The following DHRS1 variants were observed in gnomAD, a reference collection of about 807,000 sequenced individuals.
DHRS1 encodes dehydrogenase/reductase SDR family member 1.
A neutral mutation model predicts 35.2 loss-of-function variants in DHRS1; 34 were observed. The observed-to-expected ratio is 0.97, with a 90% confidence interval of 0.74 to 1.29. The LOEUF (loss-of-function observed/expected upper bound fraction) is 1.29, where lower values mean the gene tolerates loss of function less well. DHRS1 is among the 50% of genes most tolerant of loss of function. DHRS1 has a pLI of 0.00. For synonymous variants in DHRS1, 133 were observed against 160.0 expected, an observed-to-expected ratio of 0.83 and a Z score of 1.27; for missense variants, 354 against 403.6, an observed-to-expected ratio of 0.88 and a Z score of 1.05.
In DHRS1 at chr14:24,299,198, G is replaced by A. The variant is rs1385427039; in HGVS notation, c.-24-68C>T. 5.6e-6 allele frequency: 8 copies of A among 1,432,152 alleles called. No individual in the cohort carries two copies. In the Admixed American group the frequency reaches 1.4e-4, roughly 25 times the overall value. The allele number at this position is 1,432,152 out of a possible 1,614,324, so 88.7% of individuals were successfully genotyped here. A position where few individuals can be genotyped will look rare whatever the true frequency, so the allele number is the denominator to read the frequency against. ...TGTGTGTGTTGGGGCGAGGTTGGGG[G>A]GTAGGGGAGAACCTCACTAGGGCTA... On this transcript the variant is annotated intron_variant, in intron 1 of 8. Transcript: ENST00000288111.
intron 4 of DHRS1, among the ~76,000 whole-genome samples, chr14:24,296,123 C>T (rs75133115): frequency 0.013 from 1,975 of 152,278 alleles, 28 homozygotes; most frequent in Non-Finnish European, 0.022. Context: ...CATTGGTGTT[C>T]GCTCCTTCTT....
chr14:24,298,968 C>T lies in DHRS1; in HGVS notation c.139G>A (p.Val47Ile), dbSNP rs2041314493. Reference sequence around the variant, plus strand: ...GAGGAAGCACTCACCTCCTGAGCAACAACGCGAAGGGTGTCCAGATGGCGG... The same window carrying T: ...GAGGAAGCACTCACCTCCTGAGCAATAACGCGAAGGGTGTCCAGATGGCGG... ...TGRHLDTLRV[V>I]AQEAQSLGGQ... Residue 47 changes from valine to isoleucine, a missense_variant, in exon 2 of 9, where the codon GTT (valine) becomes ATT (isoleucine). By Grantham distance (29) the Val-to-Ile change is conservative. Coordinates refer to ENST00000288111, the MANE Select transcript of DHRS1 (RefSeq NM_001136050.3). 6.2e-7 allele frequency: 1 copy of T among 1,608,986 alleles called. No homozygotes were observed. Among genetic ancestry groups the T allele is most frequent in the Non-Finnish European group, 8.5e-7 (1 of 1,175,924 alleles).
chr14:24,295,045 A>G (rs534412283), intron 4 of DHRS1, among the ~76,000 whole-genome samples: 1 of 152,026 alleles, frequency 6.6e-6, no homozygotes, highest in South Asian at 2.1e-4. Flanking sequence ...CTTTTTTTCT[A>G]TTTTTCCCAC....
chr14:24,296,772 T>C lies in DHRS1; in HGVS notation c.260A>G (p.Asp87Gly), dbSNP rs928971164. The C allele has an allele frequency of 1.9e-6, 3 of 1,614,068 alleles. No homozygotes were observed. Among genetic ancestry groups the C allele is most frequent in the Admixed American group, 1.7e-5 (1 of 60,010 alleles). The change falls in exon 3 of 9, where the codon GAT becomes GGT. Residue 87 changes from aspartate to glycine, a missense_variant. Transcript: ENST00000288111. ...TGCATAAGCATTGTTGACCAGCACA[T>C]CTAGACGCCCTTGCTGTTCCCGATC... The part of the protein sequence containing the change: ...QVDREQQGRL[D>G]VLVNNAYAGV...
chr14:24,292,315 C>T lies in DHRS1; in HGVS notation c.523G>A (p.Ala175Thr), dbSNP rs144351742. The part of the protein sequence containing the change: ...VGKAACDKLA[A>T]DCAHELRRHG... ...CGCCGCAGCTCGTGGGCACAGTCAG[C>T]AGCCAGCTTGTCACACTGTGGAGAG... Residue 175 changes from alanine to threonine, a missense_variant, in exon 6 of 9, where the codon GCT becomes ACT. Transcript: ENST00000288111. 1 of 1,614,080 alleles carries T rather than the reference C, an allele frequency of 6.2e-7. No individual in the cohort carries two copies. Among genetic ancestry groups the T allele is most frequent in the Non-Finnish European group, 8.5e-7 (1 of 1,180,028 alleles).
rs1386016208 is a variant in DHRS1 at position 24,291,156 on chromosome 14, C to G, written c.788G>C (p.Gly263Ala). Reference sequence around the variant, plus strand: ...GTCCTCACCGTCCACATCCCGAAGGCCATAGCGTCGAGCAAGGTCACAGGA... The same window carrying G: ...GTCCTCACCGTCCACATCCCGAAGGGCATAGCGTCGAGCAAGGTCACAGGA... Reference protein sequence around the residue: ...LPSCDLARRYGLRDVDGRPVQ... With the variant: ...LPSCDLARRYALRDVDGRPVQ... The change falls in exon 8 of 9, where the codon GGC (glycine) becomes GCC (alanine). Residue 263 changes from glycine (G) to alanine (A), a missense_variant. By Grantham distance (60) the Gly-to-Ala change is moderately conservative (BLOSUM62 0). Transcript: ENST00000288111. 6.2e-7 allele frequency: 1 copy of G among 1,614,172 alleles called. No homozygotes were observed. Among genetic ancestry groups the G allele is most frequent in the East Asian group, 2.2e-5 (1 of 44,878 alleles).
chr14:24,291,492 T>G, intron 7 of DHRS1, 64 bp downstream of exon 7: 2 of 1,540,908 alleles, frequency 1.3e-6, no homozygotes, highest in South Asian at 2.2e-5. Flanking sequence ...ATCTGGGCAC[T>G]GGATGCTACC....
chr14:24,297,815 A>C (rs979563403), intron 2 of DHRS1, among the ~76,000 whole-genome samples: 1 of 152,072 alleles, frequency 6.6e-6, no homozygotes, highest in East Asian at 1.9e-4. Context: ...GCTTTTCCTA[A>C]CTTCCTTTAC....
intron 4 of DHRS1, chr14:24,293,433 G>C (rs2041196328): frequency 6.6e-6 from 1 of 151,592 alleles, no homozygotes; most frequent in Non-Finnish European, 1.5e-5. Context: ...AATTAGCCAG[G>C]TGTGGTGGTA....
chr14:24,291,127 CA>C lies in DHRS1; in HGVS notation c.805+11del. 6.2e-7 allele frequency: 1 copy of C among 1,614,082 alleles called. No individual in the cohort carries two copies. On this transcript the variant is annotated intron_variant, in intron 8 of 8. Transcript: ENST00000288111. ...CAGCAGTCAAGGCTGACTGCTGTGC[CA>C]GGGTCCTCACCGTCCACATCCCGAA...
At chr14:24,292,817 C>T (rs374967928) in intron 4 of DHRS1, 33 bp from the exon 5 acceptor site, 18 of 1,603,210 alleles carry the variant, frequency 1.1e-5, no homozygotes, top group Admixed American at 1.7e-5. Context: ...AAGGAATGAA[C>T]CGTGTTAGTG....
At chr14:24,296,634 T>G (rs2041252419) in intron 3 of DHRS1, 46 bp from the exon 4 acceptor site, 1 of 1,610,694 alleles carries the variant, frequency 6.2e-7, no homozygotes. Context: ...GGTAGGGAGG[T>G]GTGAGGGGCT....
At chr14:24,293,994 GA>G (rs2041206347) in intron 4 of DHRS1, 1 of 152,188 alleles carries the variant, frequency 6.6e-6, no homozygotes. Flanking sequence ...ATCAGTGGGG[GA>G]AAGTTGGATC....
rs1296206413 is a variant in DHRS1, at chr14:24,290,667, A to C, written c.*192T>G. ...AATACTAAGGCAAAAAGTAAAAAGAAGGACAAGGAAAACCAAGGCACAAAG... is the reference window on the plus strand; with the variant it reads ...AATACTAAGGCAAAAAGTAAAAAGACGGACAAGGAAAACCAAGGCACAAAG... On this transcript the variant is annotated 3_prime_UTR_variant, in exon 9 of 9. Transcript: ENST00000288111. 6.7e-6 allele frequency: 4 copies of C among 594,294 alleles called. No individual in the cohort carries two copies. Among genetic ancestry groups the C allele is most frequent in the African/African-American group, 3.7e-5 (2 of 54,080 alleles). 36.8% of individuals were successfully genotyped at this position (594,294 alleles called of 1,614,324 possible).
chr14:24,296,846 C>T lies in DHRS1; in HGVS notation c.186G>A (p.Val62=). Residue 62 remains valine (V), a synonymous_variant, in exon 3 of 9, where the codon GTG becomes GTA. Coordinates refer to ENST00000288111, the MANE Select transcript of DHRS1 (RefSeq NM_001136050.3). ...CTTCACTCTCCTGGCTTGAATCGCACACCACAGGCACACATTGGCCCCCGA... is the reference window on the plus strand; with the variant it reads ...CTTCACTCTCCTGGCTTGAATCGCATACCACAGGCACACATTGGCCCCCGA... ...QSLGGQCVPV[V]CDSSQESEVR... The T allele has an allele frequency of 6.2e-7, 1 of 1,614,260 alleles. No individual in the cohort carries two copies. The highest frequency in any genetic ancestry group is 1.7e-5 in the Admixed American group (1 of 60,032).
At position 24,290,977 on chromosome 14, in the gene DHRS1, T is replaced by C. The variant is rs372828362; in HGVS notation, c.824A>G (p.Tyr275Cys). 7 of 1,613,844 alleles carry C rather than the reference T, an allele frequency of 4.3e-6. No individual in the cohort carries two copies. In the Admixed American group the frequency reaches 8.3e-5, roughly 19 times the overall value. The change falls in exon 9 of 9, where the codon TAT becomes TGT. Residue 275 changes from tyrosine (Y) to cysteine (C), a missense_variant. Coordinates refer to ENST00000288111, the MANE Select transcript of DHRS1 (RefSeq NM_001136050.3). ...RDVDGRPVQD[Y>C]LSLSSVLSHV... ...TGAGAGAACAGAGCTCAAAGACAAA[T>C]AGTCTTGGACGGGGCGGCCTGGGAA... is the stretch of plus-strand genomic sequence containing the variant.
rs899376092 is a variant in DHRS1, at chr14:24,290,751, A to G, written c.*108T>C. 2 of 1,427,746 alleles carry G rather than the reference A, an allele frequency of 1.4e-6. No homozygotes were observed. The highest frequency in any genetic ancestry group is 1.4e-5 in the African/African-American group (1 of 70,884). 88.4% of individuals were successfully genotyped at this position (1,427,746 alleles called of 1,614,324 possible). On this transcript the variant is annotated 3_prime_UTR_variant, in exon 9 of 9. Coordinates refer to ENST00000288111, the MANE Select transcript of DHRS1 (RefSeq NM_001136050.3). The stretch of plus-strand genomic sequence containing the variant: ...GACACACAGCAGAGGGCTTCTCTTC[A>G]TATCAAGGGTATGGGTAAACAAGAA...
intron 6 of DHRS1, 38 bp downstream of exon 6, chr14:24,292,146 C>G: frequency 2.5e-6 from 4 of 1,613,492 alleles, no homozygotes; most frequent in Non-Finnish European, 3.4e-6. Context: ...GAGGCCGACT[C>G]CCCTGTTCTC....
At chr14:24,294,756 C>T (rs190055118) in intron 4 of DHRS1, 1 of 152,110 alleles carries the variant, frequency 6.6e-6, no homozygotes, top group African/African-American at 2.4e-5. Context: ...AGATGATTTA[C>T]AAAAGAACAA....
Sources: allele counts gnomAD v4.1 joint callset (sites outside exome capture counted in the v4.1 genomes callset), GRCh38; gene constraint gnomAD v4.1.1; transcripts MANE v1.5; gene names NCBI Gene and HGNC (gene_info 2026-07-23, HGNC 2026-07-21).